PTBP2: variants seen among roughly 807,000 people sequenced by gnomAD.
The protein encoded by PTBP2 is polypyrimidine tract binding protein 2, also known as polypyrimidine tract-binding protein 2.
A neutral mutation model predicts 61.4 loss-of-function variants in PTBP2; 13 were observed. The ratio of observed to expected loss-of-function variants is 0.21; its 90% confidence interval spans 0.14 to 0.34. The LOEUF (loss-of-function observed/expected upper bound fraction) is 0.34. PTBP2 is among the 10% of genes least tolerant of loss of function. The pLI is 1.00. For missense variants in PTBP2, 405 were observed against 642.6 expected, an observed-to-expected ratio of 0.63 and a Z score of 4.00; for synonymous variants, 215 against 218.5, an observed-to-expected ratio of 0.98 and a Z score of 0.14.
chr1:96,742,217 G>A (rs1653127700), intron 2 of PTBP2, among the ~76,000 whole-genome samples: 1 of 152,090 alleles, frequency 6.6e-6, no homozygotes, highest in South Asian at 2.1e-4. Context: ...TTTCTTTGAA[G>A]AATTTTCCAC....
At chr1:96,802,383 T>C (rs1348298670) in intron 8 of PTBP2, among the ~76,000 whole-genome samples, 2 of 152,114 alleles carry the variant, frequency 1.3e-5, no homozygotes. Context: ...CAGAGTATTT[T>C]AATGAACAGT....
At position 96,813,661 on chromosome 1, in the gene PTBP2, CTTTTTTT is replaced by C. The variant is rs66475516; in HGVS notation, c.*271_*277del. 3,109 of 122,028 alleles carry C rather than the reference CTTTTTTT, an allele frequency of 0.025. 50 individuals carry two copies. The highest frequency in any genetic ancestry group is 0.079 in the African/African-American group (1,987 of 25,038). 7.6% of individuals were successfully genotyped at this position (122,028 alleles called of 1,614,324 possible). A position where few individuals can be genotyped will look rare whatever the true frequency, so the allele number is the denominator to read the frequency against. ...TGTTTAAAATTTCAGTTTAATTTTGCTTTTTTTTTTTTTTTTTTTTTCCTTTCAACTT... is the reference window on the plus strand; with the variant it reads ...TGTTTAAAATTTCAGTTTAATTTTGCTTTTTTTTTTTTTTCCTTTCAACTT... On this transcript the variant is annotated 3_prime_UTR_variant, in exon 14 of 14. Coordinates refer to ENST00000674951, the MANE Select transcript of PTBP2 (RefSeq NM_021190.4).
chr1:96,751,552 T>C (rs1447019077), intron 3 of PTBP2, 52 bp downstream of exon 3: 2 of 1,367,650 alleles, frequency 1.5e-6, no homozygotes, highest in Non-Finnish European at 2.1e-6. Context: ...GGGGGCAGAA[T>C]GTTAAAACTC....
chr1:96,761,897 T>C (rs1478730017), intron 3 of PTBP2, among the ~76,000 whole-genome samples: 2 of 152,112 alleles, frequency 1.3e-5, no homozygotes. Flanking sequence ...ACTTCCGCAG[T>C]GTTTGTGTCC....
intron 3 of PTBP2, among the ~76,000 whole-genome samples, chr1:96,767,588 TCTTAGTC>T (rs1326212070): frequency 6.6e-6 from 1 of 152,118 alleles, no homozygotes; most frequent in African/African-American, 2.4e-5. Flanking sequence ...CAAAAAAAGG[TCTTAGTC>T]CTGTATCAGA....
chr1:96,821,568 A>G (rs1225522964), exon 14 of PTBP2: 2 of 152,224 alleles, frequency 1.3e-5, no homozygotes, highest in African/African-American at 4.8e-5. Context: ...ACTTTCAAGG[A>G]AAATAGCTCC....
intron 2 of PTBP2, among the ~76,000 whole-genome samples, chr1:96,726,827 C>T (rs2100785780): frequency 6.6e-6 from 1 of 152,266 alleles, no homozygotes; most frequent in East Asian, 1.9e-4. Flanking sequence ...CCATCATCCG[C>T]CCGCCTTGAC....
At chr1:96,795,139 T>A (rs779524825) in intron 8 of PTBP2, among the ~76,000 whole-genome samples, 2 of 152,192 alleles carry the variant, frequency 1.3e-5, no homozygotes, top group Non-Finnish European at 2.9e-5. Flanking sequence ...TCAACTATTT[T>A]TAGGCAGTTG....
chr1:96,790,970 T>C (rs1048513477), intron 8 of PTBP2, among the ~76,000 whole-genome samples: 5 of 152,024 alleles, frequency 3.3e-5, no homozygotes, highest in Admixed American at 2.6e-4. Context: ...ATTTTATCGG[T>C]AAATACCAAT....
chr1:96,740,942 G>A (rs181026751), intron 2 of PTBP2, among the ~76,000 whole-genome samples: 48 of 151,524 alleles, frequency 3.2e-4, no homozygotes, highest in Admixed American at 7.2e-4. Flanking sequence ...ATATTCTAAC[G>A]TGTTAATATT....
chr1:96,822,618 C>A (rs773460668), exon 14 of PTBP2: 6 of 151,912 alleles, frequency 3.9e-5, no homozygotes, highest in Non-Finnish European at 8.8e-5. Flanking sequence ...TTTATAATTC[C>A]AAAAAATCAT....
intron 7 of PTBP2, 93 bp downstream of exon 7, chr1:96,778,039 T>C (rs1658227002): frequency 3.9e-6 from 2 of 510,950 alleles, no homozygotes; most frequent in Non-Finnish European, 6.5e-6. Context: ...TGATATCTTG[T>C]AGCATTACAG....
intron 3 of PTBP2, among the ~76,000 whole-genome samples, chr1:96,762,326 C>G (rs1656001109): frequency 6.6e-6 from 1 of 151,188 alleles, no homozygotes. Flanking sequence ...GCGCCCCTCA[C>G]TCCCCAGTAG....
chr1:96,765,948 G>C (rs61786399), intron 3 of PTBP2, among the ~76,000 whole-genome samples: 2,037 of 152,234 alleles, frequency 0.013, 27 homozygotes, highest in Middle Eastern at 0.051. Flanking sequence ...ATTCAGTGAG[G>C]AAGAGAGGGT....
At chr1:96,753,545 C>A (rs995998234) in intron 3 of PTBP2, among the ~76,000 whole-genome samples, 1 of 151,382 alleles carries the variant, frequency 6.6e-6, no homozygotes, top group Admixed American at 6.6e-5. Context: ...ATCTAGTATA[C>A]CATCAAAAAT....
chr1:96,742,261 G>A (rs1380689465), intron 2 of PTBP2, among the ~76,000 whole-genome samples: 1 of 152,094 alleles, frequency 6.6e-6, no homozygotes, highest in Non-Finnish European at 1.5e-5. Context: ...TAAGAGACAT[G>A]CTTAATGCAG....
At chr1:96,797,867 A>G (rs1291091427) in intron 8 of PTBP2, among the ~76,000 whole-genome samples, 1 of 152,090 alleles carries the variant, frequency 6.6e-6, no homozygotes, top group Non-Finnish European at 1.5e-5. Context: ...TTTTTGATCC[A>G]AGGTTGGTTG....
At chr1:96,723,723 T>G in intron 2 of PTBP2, 129 bp downstream of exon 2, 1 of 765,964 alleles carries the variant, frequency 1.3e-6, no homozygotes, top group Non-Finnish European at 2.1e-6. Context: ...TTTCCTTTCA[T>G]TTGTAAAGTT....
At chr1:96,787,342 C>T (rs928135472) in intron 8 of PTBP2, among the ~76,000 whole-genome samples, 9 of 152,116 alleles carry the variant, frequency 5.9e-5, no homozygotes, top group Admixed American at 4.6e-4. Flanking sequence ...ATTTTTTGAG[C>T]GTTGTACATT....
Sources: allele counts gnomAD v4.1 joint callset (sites outside exome capture counted in the v4.1 genomes callset), GRCh38; gene constraint gnomAD v4.1.1; transcripts MANE v1.5; gene names NCBI Gene and HGNC (gene_info 2026-07-23, HGNC 2026-07-21).